The following ADAM32 variants were observed in gnomAD, a reference collection of about 807,000 sequenced individuals.
ADAM32 encodes ADAM metallopeptidase domain 32.
In ADAM32, 89 loss-of-function variants were observed where a neutral mutation model predicts 114.9. That is an observed-to-expected ratio of 0.77 (90% CI 0.65 to 0.92). The LOEUF (loss-of-function observed/expected upper bound fraction) is 0.92. Ranked by LOEUF, ADAM32 falls within the 40% of genes least tolerant of loss-of-function variation. ADAM32 has a pLI of 0.00. For synonymous variants in ADAM32, 285 were observed against 307.5 expected, an observed-to-expected ratio of 0.93 and a Z score of 0.77; for missense variants, 870 against 932.8, an observed-to-expected ratio of 0.93 and a Z score of 0.88.
At chr8:39,126,948 T>C (rs1409038321) in intron 2 of ADAM32, among the ~76,000 whole-genome samples, 3 of 152,222 alleles carry the variant, frequency 2.0e-5, no homozygotes, top group Non-Finnish European at 4.4e-5. Context: ...TGTCTTTAGT[T>C]CTGTGTATGT....
At chr8:39,226,021 A>G (rs1809344904) in intron 14 of ADAM32, among the ~76,000 whole-genome samples, 2 of 152,220 alleles carry the variant, frequency 1.3e-5, no homozygotes, top group South Asian at 4.1e-4. Flanking sequence ...AAACTTCAAA[A>G]GAACACAGAG....
intron 2 of ADAM32, among the ~76,000 whole-genome samples, chr8:39,128,641 A>C (rs1002475829): frequency 6.6e-6 from 1 of 152,098 alleles, no homozygotes; most frequent in Non-Finnish European, 1.5e-5. Flanking sequence ...GTGTTTTTGT[A>C]GTGGCTGGTA....
intron 6 of ADAM32, among the ~76,000 whole-genome samples, chr8:39,155,546 A>T (rs1318598355): frequency 6.6e-6 from 1 of 152,212 alleles, no homozygotes; most frequent in African/African-American, 2.4e-5. Context: ...CTGAAGTAGT[A>T]GGGTTTTCCT....
chr8:39,148,912 G>A (rs1460943114), intron 4 of ADAM32, among the ~76,000 whole-genome samples: 1 of 152,138 alleles, frequency 6.6e-6, no homozygotes, highest in Admixed American at 6.5e-5. Flanking sequence ...ATTGTACTGT[G>A]CTCAGAGACC....
chr8:39,246,896 A>G (rs1414186123), intron 17 of ADAM32, among the ~76,000 whole-genome samples: 1 of 151,864 alleles, frequency 6.6e-6, no homozygotes, highest in East Asian at 1.9e-4. Context: ...CACTTATCTT[A>G]TTACTGTTTT....
intron 2 of ADAM32, among the ~76,000 whole-genome samples, chr8:39,133,229 C>A (rs1302266583): frequency 6.6e-6 from 1 of 152,130 alleles, no homozygotes; most frequent in Non-Finnish European, 1.5e-5. Flanking sequence ...TGAGACCTGG[C>A]ACCTCTCCCT....
chr8:39,255,342 C>G (rs1349946145), intron 18 of ADAM32, among the ~76,000 whole-genome samples: 3 of 151,982 alleles, frequency 2.0e-5, no homozygotes, highest in Non-Finnish European at 4.4e-5. Flanking sequence ...TACATTCCCA[C>G]CAACAACGTA....
At chr8:39,235,483 A>G (rs989737788) in intron 16 of ADAM32, among the ~76,000 whole-genome samples, 3 of 152,142 alleles carry the variant, frequency 2.0e-5, no homozygotes, top group Non-Finnish European at 4.4e-5. Context: ...AGCTCAGTGG[A>G]TATATTTAGG....
At chr8:39,152,720 CAAAAAAAAAAAAAAAAAAAA>C (rs112877602) in intron 6 of ADAM32, among the ~76,000 whole-genome samples, 3 of 136,834 alleles carry the variant, frequency 2.2e-5, no homozygotes, top group Admixed American at 7.0e-5. Context: ...GACTCCATCT[CAAAAAAAAAAAAAAAAAAAA>C]AAAAAAAAAG....
chr8:39,165,304 A>G (rs897125521), intron 9 of ADAM32, 108 bp downstream of exon 9: 5 of 887,990 alleles, frequency 5.6e-6, no homozygotes, highest in Non-Finnish European at 7.9e-6. Context: ...TGCTTTGATT[A>G]TTTAGTATGT....
In ADAM32 at chr8:39,235,427, T is replaced by G. The variant is rs1400217759; in HGVS notation, c.1818+1345T>G. ...ACTCATTAATATTGATTTATTTTTA[T>G]GCATTCGAGTCATAAGTGCCATCTT... On this transcript the variant is annotated intron_variant, in intron 16 of 24. Transcript: ENST00000379907. Among the ~76,000 whole-genome samples, 5 of 152,156 alleles carry G rather than the reference T, an allele frequency of 3.3e-5. No homozygotes were observed. In the South Asian group the frequency reaches 8.3e-4, roughly 25 times the overall value.
At chr8:39,108,761 A>T (rs1392999778) in intron 1 of ADAM32, among the ~76,000 whole-genome samples, 1 of 152,198 alleles carries the variant, frequency 6.6e-6, no homozygotes, top group Non-Finnish European at 1.5e-5. Context: ...TCCTGCCATA[A>T]TTACCTCTGC....
At chr8:39,283,730 G>T in intron 24 of ADAM32, 106 bp downstream of exon 24, 1 of 782,918 alleles carries the variant, frequency 1.3e-6, no homozygotes, top group Non-Finnish European at 2.0e-6. Context: ...AGATGAATTG[G>T]TAAAGTACTG....
intron 17 of ADAM32, among the ~76,000 whole-genome samples, chr8:39,246,394 G>C (rs556604389): frequency 1.3e-5 from 2 of 152,222 alleles, no homozygotes; most frequent in South Asian, 4.1e-4. Flanking sequence ...TTATAATTGG[G>C]TACTTTTCAG....
intron 16 of ADAM32, among the ~76,000 whole-genome samples, chr8:39,238,209 T>C (rs1320027787): frequency 6.6e-6 from 1 of 152,224 alleles, no homozygotes; most frequent in Non-Finnish European, 1.5e-5. Flanking sequence ...GAGCAGGTGC[T>C]AGTATCAATG....
Position 39,221,783 on chromosome 8 carries a change from T to C in ADAM32, c.1326+81T>C, listed in dbSNP as rs1156298048. On this transcript the variant is annotated intron_variant, in intron 13 of 24. Coordinates refer to ENST00000379907, the MANE Select transcript of ADAM32 (RefSeq NM_145004.7). ...ACTTTACAACACAGACCTACAGCTG[T>C]AATTACATCAATTAAATTACTTTTC... The C allele has an allele frequency of 5.2e-6, 4 of 772,504 alleles. No homozygotes were observed. In the African/African-American group the frequency reaches 7.2e-5, roughly 14 times the overall value. 47.9% of individuals were successfully genotyped at this position (772,504 alleles called of 1,614,324 possible).
intron 5 of ADAM32, 93 bp from the exon 6 acceptor site, chr8:39,151,284 A>G: frequency 8.7e-7 from 1 of 1,143,366 alleles, no homozygotes; most frequent in South Asian, 1.8e-5. Flanking sequence ...ACTGGACTCA[A>G]AACGTTTTAT....
chr8:39,202,787 C>T (rs1386171625), intron 11 of ADAM32, among the ~76,000 whole-genome samples: 2 of 152,168 alleles, frequency 1.3e-5, no homozygotes, highest in African/African-American at 4.8e-5. Context: ...AAATTTCCCT[C>T]TACACACTGC....
At chr8:39,111,321 C>A (rs1840149144) in intron 1 of ADAM32, among the ~76,000 whole-genome samples, 1 of 152,072 alleles carries the variant, frequency 6.6e-6, no homozygotes, top group African/African-American at 2.4e-5. Flanking sequence ...CTTTGTTATC[C>A]CCCAATAATG....
Sources: gnomAD v4.1 joint callset for allele counts (sites outside exome capture counted in the v4.1 genomes callset) on GRCh38, gnomAD v4.1.1 for gene constraint, MANE v1.5 for transcripts, NCBI Gene and HGNC (gene_info 2026-07-23, HGNC 2026-07-21) for gene names.